The following RBFOX1 variants were observed in gnomAD, a reference collection of about 807,000 sequenced individuals.
RBFOX1 encodes RNA binding fox-1 homolog 1.
A neutral mutation model predicts 57.7 loss-of-function variants in RBFOX1; 8 were observed. That is an observed-to-expected ratio of 0.14 (90% CI 0.08 to 0.25). The LOEUF is 0.25. Ranked by LOEUF, RBFOX1 falls within the 10% of genes least tolerant of loss-of-function variation. RBFOX1 has a pLI of 1.00. For synonymous variants in RBFOX1, 326 were observed against 222.4 expected, an observed-to-expected ratio of 1.47 and a Z score of -4.15; for missense variants, 611 against 548.5, an observed-to-expected ratio of 1.11 and a Z score of -1.14.
At chr16:6,917,063 C>G (rs1329392919) in intron 3 of RBFOX1, among the ~76,000 whole-genome samples, 1 of 152,134 alleles carries the variant, frequency 6.6e-6, no homozygotes, top group Non-Finnish European at 1.5e-5. Context: ...GTTGGACAGG[C>G]TAGTCCTGAA....
intron 3 of RBFOX1, among the ~76,000 whole-genome samples, chr16:6,905,278 C>T (rs1221531284): frequency 3.9e-5 from 6 of 151,954 alleles, no homozygotes; most frequent in South Asian, 2.1e-4. Flanking sequence ...GAATGGCTGG[C>T]CTCAGTAGGT....
intron 3 of RBFOX1, among the ~76,000 whole-genome samples, chr16:6,898,480 C>G (rs1019875624): frequency 6.6e-6 from 1 of 152,144 alleles, no homozygotes; most frequent in African/African-American, 2.4e-5. Context: ...TCTCATAATT[C>G]AGTCCATAGT....
At chr16:7,670,662 T>G (rs1043373941) in intron 13 of RBFOX1, among the ~76,000 whole-genome samples, 7 of 152,248 alleles carry the variant, frequency 4.6e-5, no homozygotes, top group African/African-American at 1.7e-4. Context: ...AGCTTAGACT[T>G]TTAACATAAG....
chr16:6,580,187 G>GACCTCATAATCTGCCCTCCTC (rs2097515847), intron 2 of RBFOX1, among the ~76,000 whole-genome samples: 1 of 152,166 alleles, frequency 6.6e-6, no homozygotes, highest in Non-Finnish European at 1.5e-5. Flanking sequence ...TCGAACTCCT[G>GACCTCATAATCTGCCCTCCTC]ACCTCATAAT....
intron 3 of RBFOX1, among the ~76,000 whole-genome samples, chr16:5,824,959 T>G (rs1413416475): frequency 6.6e-6 from 1 of 152,186 alleles, no homozygotes; most frequent in Non-Finnish European, 1.5e-5. Flanking sequence ...GGATTCTTAC[T>G]GTGAGGGTCA....
At chr16:6,611,304 G>T (rs548940542) in intron 2 of RBFOX1, among the ~76,000 whole-genome samples, 1 of 152,108 alleles carries the variant, frequency 6.6e-6, no homozygotes, top group African/African-American at 2.4e-5. Flanking sequence ...ACACCACCAC[G>T]CCTGGCTAAT....
intron 4 of RBFOX1, among the ~76,000 whole-genome samples, chr16:7,085,125 A>G (rs1475686411): frequency 6.6e-6 from 1 of 152,056 alleles, no homozygotes; most frequent in Admixed American, 6.6e-5. Flanking sequence ...TTGTGTGTGT[A>G]CTTACATCTC....
At chr16:6,819,705 C>CAAAAAAAAAAAAAAAAA (rs1181614275) in intron 3 of RBFOX1, among the ~76,000 whole-genome samples, 1 of 20,626 alleles carries the variant, frequency 4.8e-5, no homozygotes, top group Non-Finnish European at 8.1e-5. Context: ...AACTCTGACT[C>CAAAAAAAAAAAAAAAAA]AAAAAAAAAA....
intron 2 of RBFOX1, among the ~76,000 whole-genome samples, chr16:6,431,888 G>GCTTTCTTTCTTTCTTT (rs1491171814): frequency 1.9e-4 from 21 of 109,926 alleles, no homozygotes; most frequent in African/African-American, 5.2e-4. Context: ...AAATATGCTT[G>GCTTTCTTTCTTTCTTT]CTTGCTTGCT....
In RBFOX1 at chr16:7,345,927, A is replaced by C. The variant is rs535337955; in HGVS notation, c.28-172220A>C. Among the ~76,000 whole-genome samples the C allele has an allele frequency of 1.7e-3, 258 of 152,212 alleles. 1 individual carries two copies. Among genetic ancestry groups the C allele is most frequent in the African/African-American group, 5.9e-3 (244 of 41,522 alleles). On this transcript the variant is annotated intron_variant, in intron 4 of 15. Coordinates refer to ENST00000550418, the MANE Select transcript of RBFOX1 (RefSeq NM_018723.4). ...TGTGCCATGTTGGTGTGCTGCACCC[A>C]TTAACTCGTCATTTACATTAGGTAT...
At chr16:6,897,162 G>A (rs1400703897) in intron 3 of RBFOX1, among the ~76,000 whole-genome samples, 1 of 152,136 alleles carries the variant, frequency 6.6e-6, no homozygotes, top group Admixed American at 6.5e-5. Context: ...CTGACACAGC[G>A]GCTGTAGAGT....
intron 1 of RBFOX1, among the ~76,000 whole-genome samples, chr16:5,246,960 C>T (rs2062317072): frequency 6.6e-6 from 1 of 152,216 alleles, no homozygotes; most frequent in Non-Finnish European, 1.5e-5. Context: ...CATGAGCCAC[C>T]ATGCCTCGCT....
chr16:6,780,568 A>ATT (rs2080835445), intron 3 of RBFOX1, among the ~76,000 whole-genome samples: 1 of 131,070 alleles, frequency 7.6e-6, no homozygotes, highest in African/African-American at 3.2e-5. Context: ...ATATTTATAT[A>ATT]TATTTATATA....
chr16:6,325,423 C>T (rs1382816904), intron 2 of RBFOX1, among the ~76,000 whole-genome samples: 1 of 152,200 alleles, frequency 6.6e-6, no homozygotes, highest in Non-Finnish European at 1.5e-5. Flanking sequence ...CTTCTATTAG[C>T]TTTAACACCT....
chr16:7,583,771 A>T (rs2093949541), intron 6 of RBFOX1, among the ~76,000 whole-genome samples: 1 of 152,146 alleles, frequency 6.6e-6, no homozygotes, highest in South Asian at 2.1e-4. Flanking sequence ...GCTTGAGTTC[A>T]AGAATTTTAG....
intron 4 of RBFOX1, among the ~76,000 whole-genome samples, chr16:7,351,123 C>G (rs2097123288): frequency 1.3e-5 from 2 of 152,194 alleles, no homozygotes; most frequent in South Asian, 4.1e-4. Flanking sequence ...GGGACTGGAT[C>G]TCTCACTTTT....
chr16:7,200,836 C>G (rs1169150761), intron 4 of RBFOX1, among the ~76,000 whole-genome samples: 2 of 152,152 alleles, frequency 1.3e-5, no homozygotes, highest in Admixed American at 1.3e-4. Context: ...TTCATGCTTT[C>G]TCCGCGCTGT....
intron 12 of RBFOX1, among the ~76,000 whole-genome samples, chr16:7,664,190 G>T (rs1462308132): frequency 6.6e-6 from 1 of 152,150 alleles, no homozygotes; most frequent in African/African-American, 2.4e-5. Flanking sequence ...TTACATACGT[G>T]TATACACTAT....
chr16:6,511,820 A>G (rs1366786335), intron 2 of RBFOX1, among the ~76,000 whole-genome samples: 1 of 152,230 alleles, frequency 6.6e-6, no homozygotes, highest in Non-Finnish European at 1.5e-5. Context: ...AGAAGTATCT[A>G]GACTTGAAGT....
Sources: allele counts gnomAD v4.1 joint callset (sites outside exome capture counted in the v4.1 genomes callset), GRCh38; gene constraint gnomAD v4.1.1; transcripts MANE v1.5; gene names NCBI Gene and HGNC (gene_info 2026-07-23, HGNC 2026-07-21).